Variants in TPR observed in about 807,000 individuals in gnomAD.
TPR encodes the protein translocated promoter region, nuclear basket protein.
TPR carries 51 observed loss-of-function variants against 316.1 expected under a neutral mutation model. The ratio of observed to expected loss-of-function variants is 0.16; its 90% CI spans 0.13 to 0.20. TPR has a LOEUF of 0.20. Ranked by LOEUF, TPR falls within the 10% of genes least tolerant of loss-of-function variation. TPR has a pLI of 1.00. For synonymous variants in TPR, 981 were observed against 914.7 expected (o/e 1.07, Z -1.31); for missense variants, 2,272 against 2,754.8 (o/e 0.82, Z 3.92).
chr1:186,330,395 T>C (rs1658123352), intron 39 of TPR, among the ~76,000 whole-genome samples: 1 of 152,122 alleles, frequency 6.6e-6, no homozygotes, highest in South Asian at 2.1e-4. Context: ...TAAGCTAGTT[T>C]CAACCTGCTT....
chr1:186,335,466 A>G lies in TPR; in HGVS notation c.4783T>C (p.Leu1595=), dbSNP rs1367236436. 1.9e-6 allele frequency: 3 copies of G among 1,613,516 alleles called. No homozygotes were observed. The highest frequency in any genetic ancestry group is 2.5e-6 in the Non-Finnish European group (3 of 1,179,698). Residue 1595 remains leucine, a synonymous_variant, in exon 34 of 51, where the codon TTG becomes CTG. Coordinates refer to ENST00000367478, the MANE Select transcript of TPR (RefSeq NM_003292.3). ...TTTAGCGCAGTAATGCGAACATCCA[A>G]TTCATCTTTCTGCTGATCTAAGGCT... The part of the protein sequence containing the change: ...NGALDQQKDE[L]DVRITALKSQ...
Position 186,312,733 on chromosome 1 carries a change from T to C in TPR, c.*1238A>G. Reference sequence around the variant, plus strand: ...CTTTCCAAGATAGTACATTGCCTTTTAATCTGGTATCTTTTATTAAACATG... The same window carrying C: ...CTTTCCAAGATAGTACATTGCCTTTCAATCTGGTATCTTTTATTAAACATG... On this transcript the variant is annotated 3_prime_UTR_variant, in exon 51 of 51. Coordinates refer to ENST00000367478, the MANE Select transcript of TPR (RefSeq NM_003292.3). 6.2e-7 allele frequency: 1 copy of C among 1,605,250 alleles called. No individual in the cohort carries two copies.
chr1:186,353,514 C>T (rs914918180), intron 18 of TPR, among the ~76,000 whole-genome samples, 174 bp downstream of exon 18: 4 of 152,110 alleles, frequency 2.6e-5, no homozygotes, highest in Non-Finnish European at 4.4e-5. Context: ...TTAATAGAAA[C>T]AATCACCCCA....
At chr1:186,334,928 A>G (rs927597127) in intron 35 of TPR, 140 bp downstream of exon 35, 2 of 795,560 alleles carry the variant, frequency 2.5e-6, no homozygotes, top group African/African-American at 1.7e-5. Context: ...TACATGATAC[A>G]GTTCTGCAGA....
intron 33 of TPR, among the ~76,000 whole-genome samples, chr1:186,336,127 A>G (rs1010787469): frequency 2.0e-5 from 3 of 152,110 alleles, no homozygotes; most frequent in African/African-American, 4.8e-5. Context: ...ACGAGGCACA[A>G]AAAAATCCCT....
chr1:186,355,551 T>C lies in TPR; in HGVS notation c.2030A>G (p.Glu677Gly). ...EAKAALKQLQ[E>G]IFENYKKEKA... ...TTCTTTTTTGTAGTTCTCAAAAATT[T>C]CCTGCAACTAAATATTGGAGATTAT... is the stretch of plus-strand genomic sequence containing the variant. Residue 677 changes from glutamate (E) to glycine (G), a missense_variant, in exon 17 of 51, where the codon GAA becomes GGA. Coordinates refer to ENST00000367478, the MANE Select transcript of TPR (RefSeq NM_003292.3). 4.3e-6 allele frequency: 7 copies of C among 1,611,652 alleles called. 1 individual carries two copies. The highest frequency in any genetic ancestry group is 5.9e-6 in the Non-Finnish European group (7 of 1,179,590).
chr1:186,373,075 A>C (rs970984044), intron 2 of TPR, among the ~76,000 whole-genome samples: 1 of 152,194 alleles, frequency 6.6e-6, no homozygotes, highest in African/African-American at 2.4e-5. Context: ...TGTGGGTCTA[A>C]CCATTTTATA....
intron 49 of TPR, among the ~76,000 whole-genome samples, chr1:186,315,960 T>C (rs1430903266): frequency 6.6e-6 from 1 of 150,710 alleles, no homozygotes; most frequent in African/African-American, 2.5e-5. Context: ...TGATGCTTCC[T>C]ATGAAACTGC....
Position 186,323,712 on chromosome 1 carries a change from G to A in TPR, c.6271C>T (p.Pro2091Ser). The A allele has an allele frequency of 6.6e-7, 1 of 1,508,080 alleles. No homozygotes were observed. Among genetic ancestry groups the A allele is most frequent in the Non-Finnish European group, 8.8e-7 (1 of 1,141,276 alleles). The allele number at this position is 1,508,080 out of a possible 1,614,324, so 93.4% of individuals were successfully genotyped here. The change falls in exon 43 of 51, where the codon CCT becomes TCT. Residue 2091 changes from proline (P) to serine (S), a missense_variant. Pro to Ser is a moderately conservative substitution (Grantham distance 74). This residue lies in a region of TPR where 435 missense variants were observed against 461.1 expected (regional missense o/e 0.94). Coordinates refer to ENST00000367478, the MANE Select transcript of TPR (RefSeq NM_003292.3). ...TGAACTGGTGGTCCCAACTCCTGAG[G>A]TGGGGCATGAATGGTCAGTCTTGGG... ...LPPRLTIHAPPQELGPPVQRI... is the reference protein window; with the variant it reads ...LPPRLTIHAPSQELGPPVQRI...
chr1:186,360,733 T>A (rs768331619), intron 10 of TPR, 32 bp downstream of exon 10: 2 of 1,610,288 alleles, frequency 1.2e-6, no homozygotes, highest in African/African-American at 2.7e-5. Context: ...CTGTAGTATT[T>A]CAACTCACTA....
chr1:186,323,627 G>C, intron 43 of TPR, 59 bp downstream of exon 43: 2 of 1,380,000 alleles, frequency 1.4e-6, no homozygotes, highest in Non-Finnish European at 1.9e-6. Context: ...TAATGGAAAG[G>C]GAGAAAAGCC....
chr1:186,343,572 A>G, intron 26 of TPR, 99 bp from the exon 27 acceptor site: 1 of 1,115,314 alleles, frequency 9.0e-7, no homozygotes, highest in South Asian at 1.5e-5. Context: ...ATTGACTTTA[A>G]TAACTATTAC....
intron 45 of TPR, among the ~76,000 whole-genome samples, chr1:186,321,554 C>T (rs562390314): frequency 6.6e-6 from 1 of 152,286 alleles, no homozygotes; most frequent in African/African-American, 2.4e-5. Flanking sequence ...AAGATGACAA[C>T]ATTAATAATG....
chr1:186,343,578 A>G (rs757804589), intron 26 of TPR, 105 bp from the exon 27 acceptor site: 12 of 1,035,428 alleles, frequency 1.2e-5, no homozygotes, highest in African/African-American at 1.6e-5. Flanking sequence ...TTTAATAACT[A>G]TTACACGTTT....
At position 186,312,192 on chromosome 1, in the gene TPR, T is replaced by C. The variant is rs1330085333; in HGVS notation, c.*1779A>G. On this transcript the variant is annotated 3_prime_UTR_variant, in exon 51 of 51. Coordinates refer to ENST00000367478, the MANE Select transcript of TPR (RefSeq NM_003292.3). Reference sequence around the variant, plus strand: ...CATAACAGGTGGCAGCATTCAGCAGTATATTTATAAACAGGAACCTGTACA... The same window carrying C: ...CATAACAGGTGGCAGCATTCAGCAGCATATTTATAAACAGGAACCTGTACA... 6.2e-7 allele frequency: 1 copy of C among 1,613,902 alleles called. No homozygotes were observed. Among genetic ancestry groups the C allele is most frequent in the Non-Finnish European group, 8.5e-7 (1 of 1,179,820 alleles).
At chr1:186,369,901 GT>G (rs559080717) in intron 3 of TPR, among the ~76,000 whole-genome samples, 1,886 of 148,334 alleles carry the variant, frequency 0.013, 27 homozygotes, top group Admixed American at 0.02. Flanking sequence ...TCACTTCATA[GT>G]TTTTTTTTTC....
chr1:186,347,602 T>C lies in TPR; in HGVS notation c.2777-144A>G, dbSNP rs75165456. On this transcript the variant is annotated intron_variant, in intron 21 of 50. Transcript: ENST00000367478. ...TTTCAATCCATGCCGAATACCAAAATAAAAGCAGGTACTTTGTTATGTTAC... is the reference window on the plus strand; with the variant it reads ...TTTCAATCCATGCCGAATACCAAAACAAAAGCAGGTACTTTGTTATGTTAC... The C allele has an allele frequency of 2.1e-3, 1,625 of 773,334 alleles. 36 individuals carry two copies. In the East Asian group the frequency reaches 0.043, roughly 21 times the overall value. The allele number at this position is 773,334 out of a possible 1,614,324, so 47.9% of individuals were successfully genotyped here.
At chr1:186,370,780 A>C (rs1659499258) in intron 3 of TPR, among the ~76,000 whole-genome samples, 190 bp downstream of exon 3, 1 of 152,158 alleles carries the variant, frequency 6.6e-6, no homozygotes, top group East Asian at 1.9e-4. Context: ...TGAATAAAAG[A>C]GATGTCCAAT....
At chr1:186,342,220 G>A (rs559522838) in intron 27 of TPR, 174 of 152,340 alleles carry the variant, frequency 1.1e-3, no homozygotes, top group Non-Finnish European at 2.0e-3. Context: ...TGATCCACCC[G>A]CCTCGGCCTC....
Sources: gnomAD v4.1 joint callset for allele counts (sites outside exome capture counted in the v4.1 genomes callset) on GRCh38, gnomAD v4.1.1 for gene constraint, gnomAD v4.1.1 regional missense constraint, MANE v1.5 for transcripts, NCBI Gene and HGNC (gene_info 2026-07-23, HGNC 2026-07-21) for gene names.